ROBO2: variants seen among roughly 807,000 people sequenced by gnomAD.
ROBO2 encodes the protein roundabout guidance receptor 2, also known as roundabout homolog 2.
ROBO2 carries 53 observed loss-of-function variants against 160.8 expected under a neutral mutation model. That is an observed-to-expected ratio of 0.33 (90% confidence interval 0.26 to 0.41). The LOEUF is 0.41. ROBO2 is among the 10% of genes least tolerant of loss of function. The pLI is 1.00. For synonymous variants in ROBO2, 664 were observed against 611.7 expected (o/e 1.09, Z -1.26); for missense variants, 1,577 against 1,722.4 (o/e 0.92, Z 1.49).
chr3:77,151,802 T>A (rs1300832038), intron 2 of ROBO2, among the ~76,000 whole-genome samples: 2 of 152,204 alleles, frequency 1.3e-5, no homozygotes, highest in South Asian at 4.1e-4. Context: ...ATTTAGATGA[T>A]GTTGAAGAAA....
chr3:77,150,576 G>C (rs1008664317), intron 2 of ROBO2, among the ~76,000 whole-genome samples: 1 of 152,004 alleles, frequency 6.6e-6, no homozygotes, highest in East Asian at 1.9e-4. Flanking sequence ...CTGTGCCCAG[G>C]AAAGTCAGGT....
chr3:77,022,311 A>G (rs990265741), intron 2 of ROBO2, among the ~76,000 whole-genome samples: 5 of 152,204 alleles, frequency 3.3e-5, no homozygotes, highest in African/African-American at 1.2e-4. Flanking sequence ...CGGAGGTTGC[A>G]GTGAGCCGAG....
intron 2 of ROBO2, among the ~76,000 whole-genome samples, chr3:76,398,655 TTAAACTAAATATACTAGTAGTATATTC>T (rs1228450331): frequency 6.6e-6 from 1 of 151,702 alleles, no homozygotes; most frequent in African/African-American, 2.4e-5. Flanking sequence ...TTAGTATATT[TTAAACTAAATATACTAGTAGTATATTC>T]TAAACTAAAT....
chr3:76,502,574 A>C (rs2080521970), intron 2 of ROBO2, among the ~76,000 whole-genome samples: 2 of 152,290 alleles, frequency 1.3e-5, no homozygotes, highest in Non-Finnish European at 2.9e-5. Flanking sequence ...TAAATTTTTT[A>C]ATTTTAATTT....
chr3:76,136,925 G>T (rs2071448970), intron 2 of ROBO2, among the ~76,000 whole-genome samples: 1 of 152,012 alleles, frequency 6.6e-6, no homozygotes, highest in African/African-American at 2.4e-5. Context: ...GTAGGGGGCG[G>T]AAATCAAGTC....
chr3:77,546,526 A>C lies in ROBO2; in HGVS notation c.1059+64A>C, dbSNP rs949008315. 30 of 1,592,110 alleles carry C rather than the reference A, an allele frequency of 1.9e-5. No homozygotes were observed. In the African/African-American group the frequency reaches 3.8e-4, roughly 20 times the overall value. ...ACTTCTACTGTCTCTGCTGCTCCTG[A>C]AAGCTTGCCTTGCTTCTCTTGTTCT... On this transcript the variant is annotated intron_variant, in intron 7 of 25. Coordinates refer to ENST00000461745, the Ensembl canonical transcript of ROBO2.
chr3:77,490,194 G>A (rs994139617), intron 4 of ROBO2, among the ~76,000 whole-genome samples: 1 of 148,460 alleles, frequency 6.7e-6, no homozygotes, highest in South Asian at 2.2e-4. Context: ...TCCGCCTCCC[G>A]GGTTCACACC....
intron 2 of ROBO2, among the ~76,000 whole-genome samples, chr3:76,065,374 T>C (rs2107918189): frequency 6.6e-6 from 1 of 152,236 alleles, no homozygotes; most frequent in East Asian, 1.9e-4. Context: ...ACAAAGCAGC[T>C]TTTAAAAAAC....
At chr3:76,572,943 G>A (rs73129177) in intron 2 of ROBO2, among the ~76,000 whole-genome samples, 8,295 of 152,194 alleles carry the variant, frequency 0.055, 318 homozygotes, top group Non-Finnish European at 0.087. Flanking sequence ...TTTTGCTACT[G>A]ACAGCATAAA....
At chr3:77,164,759 T>TG (rs1183631750) in intron 2 of ROBO2, among the ~76,000 whole-genome samples, 1 of 33,530 alleles carries the variant, frequency 3.0e-5, no homozygotes, top group Non-Finnish European at 1.1e-4. Flanking sequence ...GGGAGGGAAG[T>TG]GGGGGGGTCA....
intron 2 of ROBO2, among the ~76,000 whole-genome samples, chr3:76,589,304 G>T (rs1823228): frequency 0.99 from 150,379 of 152,136 alleles, 74,349 homozygotes; most frequent in East Asian, 1. Flanking sequence ...TTGGCTTTTT[G>T]TTTGTTTGTT....
At chr3:77,347,814 T>C (rs769620339) in intron 2 of ROBO2, among the ~76,000 whole-genome samples, 17 of 152,130 alleles carry the variant, frequency 1.1e-4, no homozygotes, top group East Asian at 1.9e-4. Context: ...CCTTCTCTCA[T>C]GTATGTGTTA....
chr3:75,996,536 T>C (rs757700754), intron 2 of ROBO2, among the ~76,000 whole-genome samples: 1 of 152,198 alleles, frequency 6.6e-6, no homozygotes, highest in Non-Finnish European at 1.5e-5. Flanking sequence ...TAACTAATAA[T>C]AGACCTTAGT....
At chr3:76,718,793 AAGGTCACATATTAAGGACTTT>A (rs2096304565) in intron 2 of ROBO2, among the ~76,000 whole-genome samples, 1 of 152,238 alleles carries the variant, frequency 6.6e-6, no homozygotes, top group African/African-American at 2.4e-5. Flanking sequence ...CTGCAGTACA[AAGGTCACATATTAAGGACTTT>A]ATTCACTTGA....
intron 2 of ROBO2, among the ~76,000 whole-genome samples, chr3:76,582,084 A>G (rs541261113): frequency 1.1e-4 from 17 of 152,286 alleles, no homozygotes; most frequent in Admixed American, 9.2e-4. Flanking sequence ...GAAAAGGAAA[A>G]TGGTGTGCCA....
Position 75,914,603 on chromosome 3 carries a change from T to C in ROBO2, c.-14+7643T>C, listed in dbSNP as rs373680205. On this transcript the variant is annotated intron_variant, in intron 1 of 26. Coordinates refer to the ROBO2 transcript ENST00000487694. ...GCAAATGAACATCAAATTAACAAGA[T>C]TGATTATGAAAAGTAATTTTTGAAA... Among the ~76,000 whole-genome samples, 62 of 152,244 alleles carry C rather than the reference T, an allele frequency of 4.1e-4. 1 individual carries two copies. In the South Asian group the frequency reaches 0.012, roughly 31 times the overall value.
intron 1 of ROBO2, among the ~76,000 whole-genome samples, chr3:77,096,104 C>T (rs981748921): frequency 1.4e-4 from 22 of 152,110 alleles, no homozygotes; most frequent in Non-Finnish European, 3.1e-4. Context: ...TACATTAAAA[C>T]ATGTATTTTC....
intron 2 of ROBO2, among the ~76,000 whole-genome samples, chr3:77,252,831 A>AAAAATATATATAT: frequency 2.4e-4 from 3 of 12,522 alleles, no homozygotes; most frequent in African/African-American, 4.7e-4. Context: ...AAAAAAAAAA[A>AAAAATATATATAT]ATATATATAT....
At chr3:77,618,024 A>G in intron 22 of ROBO2, 1 of 507,094 alleles carries the variant, frequency 2.0e-6, no homozygotes, top group South Asian at 2.2e-5. Flanking sequence ...TAGAACTAAA[A>G]CTAGAACTAG....
Sources: gnomAD v4.1 joint callset for allele counts (sites outside exome capture counted in the v4.1 genomes callset) on GRCh38, gnomAD v4.1.1 for gene constraint, MANE v1.5 for transcripts, NCBI Gene and HGNC (gene_info 2026-07-23, HGNC 2026-07-21) for gene names.